MAN2A1: variants seen among roughly 807,000 people sequenced by gnomAD.
MAN2A1 encodes mannosidase alpha class 2A member 1, also known as alpha-mannosidase 2.
In MAN2A1, 76 loss-of-function variants were observed where a neutral mutation model predicts 142.6. That is an observed-to-expected ratio of 0.53 (90% CI 0.44 to 0.65). The LOEUF is 0.65. Among genes scored for constraint, MAN2A1 ranks in the 30% least tolerant of loss-of-function variants. The probability of loss-of-function intolerance (pLI) is 0.00; values close to 1 mark genes in which losing one functional copy is unlikely to be tolerated. For missense variants in MAN2A1, 1,311 were observed against 1,365.1 expected, an observed-to-expected ratio of 0.96 and a Z score of 0.62; for synonymous variants, 559 against 473.2, an observed-to-expected ratio of 1.18 and a Z score of -2.35.
In MAN2A1 at chr5:109,698,003, T is replaced by C. The variant is rs189351032; in HGVS notation, c.135+7451T>C. Among the ~76,000 whole-genome samples, 63 of 152,342 alleles carry C rather than the reference T, an allele frequency of 4.1e-4. 1 individual carries two copies. The highest frequency in any genetic ancestry group is 6.8e-3 in the Middle Eastern group (2 of 294). On this transcript the variant is annotated intron_variant, in intron 1 of 21. Coordinates refer to ENST00000261483, the MANE Select transcript of MAN2A1 (RefSeq NM_002372.4). Reference sequence around the variant, plus strand: ...TTTCTCTTCTTTCACCTGAAGGTTTTGCACTGTAGGACTGCTCTGGGAAGG... The same window carrying C: ...TTTCTCTTCTTTCACCTGAAGGTTTCGCACTGTAGGACTGCTCTGGGAAGG...
intron 5 of MAN2A1, among the ~76,000 whole-genome samples, chr5:109,755,853 T>G (rs1310361181): frequency 6.6e-6 from 1 of 152,164 alleles, no homozygotes; most frequent in Non-Finnish European, 1.5e-5. Context: ...GGTATTGCTG[T>G]ATCCAGGGAT....
chr5:109,728,783 T>G (rs1282973737), intron 3 of MAN2A1, among the ~76,000 whole-genome samples: 1 of 152,190 alleles, frequency 6.6e-6, no homozygotes, highest in East Asian at 1.9e-4. Flanking sequence ...ATGCCTGTAT[T>G]TTGCAGAATT....
intron 4 of MAN2A1, among the ~76,000 whole-genome samples, chr5:109,740,022 C>T (rs1752221748): frequency 6.6e-6 from 1 of 152,156 alleles, no homozygotes; most frequent in South Asian, 2.1e-4. Flanking sequence ...TAATAAGATC[C>T]CTGTGTTCCC....
intron 4 of MAN2A1, among the ~76,000 whole-genome samples, chr5:109,745,355 A>G (rs567873779): frequency 1.3e-5 from 2 of 152,312 alleles, no homozygotes; most frequent in South Asian, 4.1e-4. Context: ...TGATATGGAA[A>G]GATGCTCATG....
intron 2 of MAN2A1, 100 bp from the exon 3 acceptor site, chr5:109,716,020 T>C: frequency 1.5e-6 from 1 of 679,890 alleles, no homozygotes; most frequent in Non-Finnish European, 2.3e-6. Context: ...TTTTATAAAA[T>C]ACATATGCAG....
chr5:109,732,750 G>T (rs1413054387), intron 4 of MAN2A1, among the ~76,000 whole-genome samples: 1 of 152,142 alleles, frequency 6.6e-6, no homozygotes, highest in East Asian at 1.9e-4. Context: ...GTCCCATGCT[G>T]TTTTGGTTAC....
intron 1 of MAN2A1, among the ~76,000 whole-genome samples, chr5:109,711,882 C>G (rs1055605037): frequency 7.1e-6 from 1 of 140,016 alleles, no homozygotes; most frequent in Non-Finnish European, 1.5e-5. Context: ...TGACAATTGC[C>G]TTTAAAGGAC....
intron 3 of MAN2A1, among the ~76,000 whole-genome samples, chr5:109,722,751 A>G (rs1751640700): frequency 6.6e-6 from 1 of 152,074 alleles, no homozygotes; most frequent in African/African-American, 2.4e-5. Flanking sequence ...TCTTTTAGAG[A>G]CTTTGATAAT....
chr5:109,785,856 C>G (rs926376184), intron 10 of MAN2A1, among the ~76,000 whole-genome samples: 14 of 151,928 alleles, frequency 9.2e-5, no homozygotes, highest in Non-Finnish European at 1.8e-4. Context: ...CTGTGATTTT[C>G]TTAAAGAATA....
At chr5:109,848,016 A>T (rs570490654) in intron 19 of MAN2A1, among the ~76,000 whole-genome samples, 35 of 152,346 alleles carry the variant, frequency 2.3e-4, no homozygotes, top group Admixed American at 2.2e-3. Flanking sequence ...ATGTAGATAA[A>T]AAATAATGAC....
chr5:109,748,910 T>C (rs1752476311), intron 4 of MAN2A1, among the ~76,000 whole-genome samples: 1 of 151,650 alleles, frequency 6.6e-6, no homozygotes, highest in Non-Finnish European at 1.5e-5. Flanking sequence ...TCTTTTTCCC[T>C]GCCTACTAGA....
In MAN2A1 at chr5:109,694,598, C is replaced by T. The variant is rs957550652; in HGVS notation, c.135+4046C>T. On this transcript the variant is annotated intron_variant, in intron 1 of 21. Coordinates refer to ENST00000261483, the MANE Select transcript of MAN2A1 (RefSeq NM_002372.4). ...TCTTGGCCTTAAGCTATTCTCCTGC[C>T]TCAGCCTTCCAAAGTGCTGGGATTA... Among the ~76,000 whole-genome samples the T allele has an allele frequency of 2.6e-5, 4 of 151,936 alleles. 1 individual carries two copies. Among genetic ancestry groups the T allele is most frequent in the Non-Finnish European group, 5.9e-5 (4 of 68,006 alleles).
At chr5:109,697,085 G>T (rs1750836178) in intron 1 of MAN2A1, among the ~76,000 whole-genome samples, 1 of 152,192 alleles carries the variant, frequency 6.6e-6, no homozygotes, top group Non-Finnish European at 1.5e-5. Context: ...CTTTCTTCCA[G>T]CTGAATTACA....
chr5:109,786,179 C>A (rs549775597), intron 10 of MAN2A1, among the ~76,000 whole-genome samples: 3 of 152,038 alleles, frequency 2.0e-5, no homozygotes, highest in East Asian at 1.9e-4. Context: ...AAGTAGAAAA[C>A]CCTCATTAGA....
chr5:109,868,159 T>C lies in MAN2A1; in HGVS notation c.*1161T>C, dbSNP rs192167765. ...ATGCAAAATCCAGCTACTGTTTCCA[T>C]TTCACAGTAGTTAACTATATTAAAG... On this transcript the variant is annotated 3_prime_UTR_variant, in exon 22 of 22. Transcript: ENST00000261483. The C allele has an allele frequency of 1.4e-4, 22 of 152,328 alleles. No individual in the cohort carries two copies. Among genetic ancestry groups the C allele is most frequent in the Admixed American group, 1.4e-3 (22 of 15,298 alleles). 9.4% of individuals were successfully genotyped at this position (152,328 alleles called of 1,614,324 possible).
chr5:109,730,674 C>T (rs1005694867), intron 4 of MAN2A1, among the ~76,000 whole-genome samples: 1 of 152,240 alleles, frequency 6.6e-6, no homozygotes, highest in Non-Finnish European at 1.5e-5. Flanking sequence ...TTATACAGCG[C>T]TTACTGTATT....
intron 1 of MAN2A1, among the ~76,000 whole-genome samples, chr5:109,705,327 T>A (rs1274456737): frequency 6.6e-6 from 1 of 152,208 alleles, no homozygotes. Context: ...AAGATAAAGA[T>A]GTTGATGCTG....
intron 17 of MAN2A1, 96 bp downstream of exon 17, chr5:109,842,557 G>A: frequency 1.2e-6 from 1 of 802,644 alleles, no homozygotes; most frequent in Non-Finnish European, 1.8e-6. Context: ...CTTTGAAAAA[G>A]TATACTTAAA....
intron 3 of MAN2A1, among the ~76,000 whole-genome samples, chr5:109,718,397 A>G (rs1298805663): frequency 1.3e-5 from 2 of 152,238 alleles, no homozygotes; most frequent in East Asian, 3.9e-4. Context: ...CAGAATGCCA[A>G]ATGTTTTACA....
Sources: gnomAD v4.1 joint callset for allele counts (sites outside exome capture counted in the v4.1 genomes callset) on GRCh38, gnomAD v4.1.1 for gene constraint, MANE v1.5 for transcripts, NCBI Gene and HGNC (gene_info 2026-07-23, HGNC 2026-07-21) for gene names.